Variants in MCTP1 observed in about 807,000 individuals in gnomAD.
MCTP1 encodes the protein multiple C2 and transmembrane domain-containing protein 1.
MCTP1 carries 69 observed loss-of-function variants against 120.6 expected under a neutral mutation model. The ratio of observed to expected loss-of-function variants is 0.57; its 90% CI spans 0.47 to 0.70. The LOEUF (loss-of-function observed/expected upper bound fraction) is 0.70. Among genes scored for constraint, MCTP1 ranks in the 30% least tolerant of loss-of-function variants. MCTP1 has a pLI of 0.00. For missense variants in MCTP1, 1,203 were observed against 1,248.8 expected (o/e 0.96, Z 0.55); for synonymous variants, 529 against 493.1 (o/e 1.07, Z -0.96).
At chr5:95,110,604 A>C (rs1171721622) in intron 1 of MCTP1, among the ~76,000 whole-genome samples, 2 of 152,162 alleles carry the variant, frequency 1.3e-5, no homozygotes, top group Non-Finnish European at 2.9e-5. Flanking sequence ...AAACCTAACT[A>C]ACACATTGAT....
intron 6 of MCTP1, chr5:94,931,711 C>T (rs1246862258): frequency 1.0e-5 from 5 of 477,636 alleles, no homozygotes; most frequent in Admixed American, 4.0e-5. Context: ...ATAGTTGAGA[C>T]CAGATGCTGA....
intron 1 of MCTP1, among the ~76,000 whole-genome samples, chr5:95,037,472 A>G (rs1841546115): frequency 6.6e-6 from 1 of 152,178 alleles, no homozygotes; most frequent in African/African-American, 2.4e-5. Context: ...ATAACAAGGA[A>G]ATTAAGGGCA....
intron 17 of MCTP1, among the ~76,000 whole-genome samples, chr5:94,820,830 T>C (rs1486156315): frequency 6.6e-6 from 1 of 152,236 alleles, no homozygotes; most frequent in Non-Finnish European, 1.5e-5. Flanking sequence ...TTTTTGGATT[T>C]AGCCAAACCA....
chr5:95,035,965 A>G (rs1339784318), intron 1 of MCTP1, among the ~76,000 whole-genome samples: 5 of 152,036 alleles, frequency 3.3e-5, no homozygotes, highest in Admixed American at 2.0e-4. Context: ...TATCTTTCCT[A>G]TTTCACCAAA....
At chr5:94,725,935 A>C (rs183242368) in intron 19 of MCTP1, among the ~76,000 whole-genome samples, 1 of 152,362 alleles carries the variant, frequency 6.6e-6, no homozygotes, top group Admixed American at 6.5e-5. Context: ...GAAAAAGGAA[A>C]TCCTACAACA....
chr5:94,769,165 A>G (rs537334592), intron 19 of MCTP1, among the ~76,000 whole-genome samples: 9 of 152,306 alleles, frequency 5.9e-5, no homozygotes, highest in Non-Finnish European at 1.2e-4. Context: ...ATTCTCACTC[A>G]TCTGCGGGAG....
chr5:94,778,522 G>A (rs1369001154), intron 19 of MCTP1, among the ~76,000 whole-genome samples: 1 of 151,964 alleles, frequency 6.6e-6, no homozygotes, highest in Non-Finnish European at 1.5e-5. Context: ...ATTTACTGTG[G>A]TCACCCTCCC....
At chr5:95,125,127 A>G (rs548648813) in intron 1 of MCTP1, among the ~76,000 whole-genome samples, 1 of 152,352 alleles carries the variant, frequency 6.6e-6, no homozygotes, top group African/African-American at 2.4e-5. Flanking sequence ...TTTGTGCAGA[A>G]GAGAAGGGAG....
intron 19 of MCTP1, among the ~76,000 whole-genome samples, chr5:94,765,599 G>A (rs1772430487): frequency 1.3e-5 from 2 of 151,744 alleles, no homozygotes; most frequent in African/African-American, 4.8e-5. Flanking sequence ...TACTCAGGAA[G>A]CTGAAGCAGA....
At chr5:94,765,362 C>A (rs564758413) in intron 19 of MCTP1, among the ~76,000 whole-genome samples, 17 of 151,872 alleles carry the variant, frequency 1.1e-4, no homozygotes, top group Admixed American at 8.5e-4. Flanking sequence ...CAAACCAAAC[C>A]CAAAATTAGT....
At chr5:94,927,568 T>A (rs576237934) in intron 6 of MCTP1, among the ~76,000 whole-genome samples, 10 of 152,254 alleles carry the variant, frequency 6.6e-5, no homozygotes, top group African/African-American at 2.4e-4. Context: ...TTAAAAAAAA[T>A]TGCCTATTTA....
intron 19 of MCTP1, among the ~76,000 whole-genome samples, chr5:94,758,977 C>T (rs1488192716): frequency 1.3e-5 from 2 of 152,080 alleles, no homozygotes; most frequent in Admixed American, 1.3e-4. Context: ...GAAATTCATG[C>T]TGAGTAGAGA....
At chr5:95,275,078 C>T (rs1316610376) in intron 1 of MCTP1, among the ~76,000 whole-genome samples, 1 of 152,122 alleles carries the variant, frequency 6.6e-6, no homozygotes, top group East Asian at 1.9e-4. Context: ...CATATTGATG[C>T]TTACATGTAT....
At chr5:95,258,037 T>A (rs1758077059) in intron 1 of MCTP1, among the ~76,000 whole-genome samples, 1 of 152,192 alleles carries the variant, frequency 6.6e-6, no homozygotes, top group Admixed American at 6.5e-5. Flanking sequence ...GAATTCCAAA[T>A]AATTTATGTA....
intron 9 of MCTP1, among the ~76,000 whole-genome samples, chr5:94,911,112 C>G (rs150413055): frequency 1.3e-5 from 2 of 152,100 alleles, no homozygotes; most frequent in African/African-American, 4.8e-5. Flanking sequence ...TTTTAACTAC[C>G]TTAAGTACTA....
intron 1 of MCTP1, among the ~76,000 whole-genome samples, chr5:95,038,356 G>T (rs994494842): frequency 6.6e-6 from 1 of 152,134 alleles, no homozygotes; most frequent in African/African-American, 2.4e-5. Context: ...ACAACCCAAA[G>T]AATAAAATAT....
chr5:94,997,188 C>G (rs1741678044), intron 2 of MCTP1, among the ~76,000 whole-genome samples: 1 of 152,132 alleles, frequency 6.6e-6, no homozygotes, highest in Admixed American at 6.5e-5. Context: ...ACTCGTGCTT[C>G]AACATGCTGA....
chr5:95,164,820 G>T (rs1187789461), intron 1 of MCTP1, among the ~76,000 whole-genome samples: 1 of 152,038 alleles, frequency 6.6e-6, no homozygotes, highest in Non-Finnish European at 1.5e-5. Flanking sequence ...ACTCCAAGTG[G>T]CCTAATACAA....
intron 2 of MCTP1, among the ~76,000 whole-genome samples, chr5:95,007,993 A>C (rs1241013233): frequency 6.6e-6 from 1 of 152,160 alleles, no homozygotes; most frequent in Non-Finnish European, 1.5e-5. Context: ...ACCCAGTGTA[A>C]TGCCTACATG....
Sources: allele counts gnomAD v4.1 joint callset (sites outside exome capture counted in the v4.1 genomes callset), GRCh38; gene constraint gnomAD v4.1.1; transcripts MANE v1.5; gene names NCBI Gene and HGNC (gene_info 2026-07-23, HGNC 2026-07-21).